RRP15: variants seen among roughly 807,000 people sequenced by gnomAD.
The protein encoded by RRP15 is RRP15-like protein.
RRP15 carries 18 observed loss-of-function variants against 27.1 expected under a neutral mutation model. The observed-to-expected ratio is 0.66, with a 90% CI of 0.46 to 0.98. The LOEUF is 0.98. Among genes scored for constraint, RRP15 ranks in the 50% least tolerant of loss-of-function variants. The pLI is 0.00. For missense variants in RRP15, 359 were observed against 337.8 expected (o/e 1.06, Z -0.49); for synonymous variants, 107 against 109.4 (o/e 0.98, Z 0.14).
chr1:218,291,088 G>A (rs1362206878), intron 1 of RRP15, among the ~76,000 whole-genome samples: 1 of 152,092 alleles, frequency 6.6e-6, no homozygotes, highest in Non-Finnish European at 1.5e-5. Context: ...GCAGTGAGCT[G>A]TGACTGTGCC....
chr1:218,315,123 A>T (rs1415471566), intron 4 of RRP15, among the ~76,000 whole-genome samples: 1 of 152,052 alleles, frequency 6.6e-6, no homozygotes, highest in Non-Finnish European at 1.5e-5. Context: ...TTGTGGTATG[A>T]GCACTTTAAA....
intron 4 of RRP15, among the ~76,000 whole-genome samples, chr1:218,316,727 T>A (rs1195676849): frequency 6.6e-6 from 1 of 152,262 alleles, no homozygotes; most frequent in Non-Finnish European, 1.5e-5. Flanking sequence ...CAATAATTTT[T>A]ATTTTCCATT....
chr1:218,318,779 T>C (rs3121580), intron 4 of RRP15, among the ~76,000 whole-genome samples: 128,285 of 151,112 alleles, frequency 0.85, 54,698 homozygotes, highest in African/African-American at 0.94. Flanking sequence ...CCTCCCCACC[T>C]CCCAGTTAGA....
At chr1:218,321,114 C>T (rs565065353) in intron 4 of RRP15, among the ~76,000 whole-genome samples, 44 of 152,218 alleles carry the variant, frequency 2.9e-4, no homozygotes, top group African/African-American at 1.1e-3. Flanking sequence ...CAGTGGCTGC[C>T]AATGTATGTT....
At chr1:218,312,711 G>A (rs916089787) in intron 4 of RRP15, among the ~76,000 whole-genome samples, 1 of 152,074 alleles carries the variant, frequency 6.6e-6, no homozygotes, top group African/African-American at 2.4e-5. Context: ...TTGTGATGTG[G>A]GGATAGTCAT....
chr1:218,303,847 AT>A (rs1454076508), intron 2 of RRP15, among the ~76,000 whole-genome samples: 3 of 152,330 alleles, frequency 2.0e-5, no homozygotes, highest in African/African-American at 7.2e-5. Context: ...TAATTTAACT[AT>A]TATGGTTTTC....
intron 4 of RRP15, among the ~76,000 whole-genome samples, chr1:218,312,617 C>T (rs1246196253): frequency 6.6e-6 from 1 of 151,886 alleles, no homozygotes; most frequent in South Asian, 2.1e-4. Flanking sequence ...AGAAGAGGAA[C>T]CTTCTTTGCC....
Position 218,302,480 on chromosome 1 carries a change from C to T in RRP15, c.326C>T (p.Pro109Leu). The change falls in exon 2 of 5, where the codon CCT becomes CTT. Residue 109 changes from proline to leucine, a missense_variant. Coordinates refer to ENST00000366932, the MANE Select transcript of RRP15 (RefSeq NM_016052.4). ...VLNKKTPESK[P>L]TILVKNKKLE... ...AACAAGAAAACTCCTGAAAGTAAAC[C>T]TACTATTCTGGTCAAAAATAAGAAG... 6.2e-7 allele frequency: 1 copy of T among 1,614,036 alleles called. No individual in the cohort carries two copies. The highest frequency in any genetic ancestry group is 8.5e-7 in the Non-Finnish European group (1 of 1,179,998).
At chr1:218,321,166 T>C (rs1156891451) in intron 4 of RRP15, among the ~76,000 whole-genome samples, 2 of 152,248 alleles carry the variant, frequency 1.3e-5, no homozygotes, top group Non-Finnish European at 2.9e-5. Flanking sequence ...TTAAGGGTTG[T>C]CTTCACCTTC....
rs762091288 is a variant in RRP15 at position 218,302,566 on chromosome 1, T to C, written c.405+7T>C. 9.1e-5 allele frequency: 146 copies of C among 1,608,934 alleles called. No homozygotes were observed. Among genetic ancestry groups the C allele is most frequent in the Non-Finnish European group, 1.2e-4 (140 of 1,178,320 alleles). On this transcript the variant is annotated splice_region_variant and intron_variant, in intron 2 of 4. Transcript: ENST00000366932. ...ACTAGAGAAAATAAAACAGGTATGT[T>C]CCACCAGTTCTCTTGTAGATTAGAT...
intron 4 of RRP15, among the ~76,000 whole-genome samples, chr1:218,322,872 C>A (rs986786180): frequency 9.9e-5 from 15 of 152,172 alleles, no homozygotes; most frequent in Non-Finnish European, 8.8e-5. Flanking sequence ...AGCCTGGATC[C>A]CATGCCTGCC....
chr1:218,285,962 A>G (rs1266357801), intron 1 of RRP15, among the ~76,000 whole-genome samples: 1 of 152,194 alleles, frequency 6.6e-6, no homozygotes, highest in Non-Finnish European at 1.5e-5. Flanking sequence ...TTTGATAACT[A>G]TGTCTCTCAG....
At position 218,302,347 on chromosome 1, in the gene RRP15, G is replaced by A. The variant is rs948702928; in HGVS notation, c.193G>A (p.Ala65Thr). The change falls in exon 2 of 5, where the codon GCT becomes ACT. Residue 65 changes from alanine to threonine, a missense_variant. Ala to Thr is a moderately conservative substitution (Grantham distance 58). Coordinates refer to ENST00000366932, the MANE Select transcript of RRP15 (RefSeq NM_016052.4). ...HFYSDDDAIE[A>T]DSEGDAEPCD... ...TTATTCTGATGATGACGCAATAGAA[G>A]CTGACAGTGAGGGTGATGCTGAGCC... is the stretch of plus-strand genomic sequence containing the variant. 4 of 1,613,958 alleles carry A rather than the reference G, an allele frequency of 2.5e-6. No individual in the cohort carries two copies. The highest frequency in any genetic ancestry group is 1.7e-5 in the Admixed American group (1 of 59,986).
At position 218,336,802 on chromosome 1, in the gene RRP15, A is replaced by G. The variant is rs990674540; in HGVS notation, c.*5711A>G. 1.3e-5 allele frequency: 2 copies of G among 152,218 alleles called. No individual in the cohort carries two copies. The highest frequency in any genetic ancestry group is 4.8e-5 in the African/African-American group (2 of 41,458). 9.4% of individuals were successfully genotyped at this position (152,218 alleles called of 1,614,324 possible). On this transcript the variant is annotated 3_prime_UTR_variant, in exon 5 of 5. Transcript: ENST00000366932. ...CTCAAAGTCCAAAAGGTTCAATGTG[A>G]TGATATCCTTCTCTACAAATGCCAG...
intron 1 of RRP15, among the ~76,000 whole-genome samples, chr1:218,290,339 C>G (rs1450695437): frequency 2.0e-4 from 30 of 152,160 alleles, no homozygotes; most frequent in Admixed American, 2.0e-3. Flanking sequence ...ATTAGTGAAC[C>G]ATTGCTTCTA....
At chr1:218,300,594 T>G (rs1167201032) in intron 1 of RRP15, among the ~76,000 whole-genome samples, 1 of 152,242 alleles carries the variant, frequency 6.6e-6, no homozygotes, top group Non-Finnish European at 1.5e-5. Context: ...CTATACACTG[T>G]CTTCCATTTA....
chr1:218,307,375 T>C (rs1655914994), intron 3 of RRP15, 56 bp from the exon 4 acceptor site: 1 of 1,446,376 alleles, frequency 6.9e-7, no homozygotes, highest in Admixed American at 1.9e-5. Context: ...ATCCTCAGAG[T>C]TTGTATTCTA....
chr1:218,309,682 CAAA>C (rs751452477), intron 4 of RRP15, among the ~76,000 whole-genome samples: 4 of 22,506 alleles, frequency 1.8e-4, no homozygotes, highest in African/African-American at 3.3e-4. Context: ...GACTCCATCT[CAAA>C]AAAAAAAAAA....
intron 4 of RRP15, among the ~76,000 whole-genome samples, chr1:218,328,458 T>C (rs528005879): frequency 5.1e-4 from 77 of 152,014 alleles, no homozygotes; most frequent in Non-Finnish European, 7.8e-4. Context: ...GTCAGGAGAT[T>C]GAGACCATCC....
Sources: gnomAD v4.1 joint callset for allele counts (sites outside exome capture counted in the v4.1 genomes callset) on GRCh38, gnomAD v4.1.1 for gene constraint, MANE v1.5 for transcripts, NCBI Gene and HGNC (gene_info 2026-07-23, HGNC 2026-07-21) for gene names.